Variants in CLNK observed in about 807,000 individuals in gnomAD.
The protein encoded by CLNK is cytokine-dependent hematopoietic cell linker.
CLNK carries 74 observed loss-of-function variants against 68.6 expected under a neutral mutation model. That is an observed-to-expected ratio of 1.08 (90% CI 0.89 to 1.31). CLNK has a LOEUF of 1.31. Among genes scored for constraint, CLNK ranks in the 50% most tolerant of loss-of-function variants. CLNK has a pLI of 0.00. For missense variants in CLNK, 553 were observed against 515.3 expected (o/e 1.07, Z -0.71); for synonymous variants, 198 against 172.2 (o/e 1.15, Z -1.17).
At chr4:10,705,062 G>A in the CLNK span, among the ~76,000 whole-genome samples, 1 of 152,118 alleles carries the variant, frequency 6.6e-6, no homozygotes, top group Non-Finnish European at 1.5e-5. Context: ...GGGTAGTTTT[G>A]GAAGTAGGCA....
At chr4:10,711,642 A>G in the CLNK span, among the ~76,000 whole-genome samples, 1 of 152,202 alleles carries the variant, frequency 6.6e-6, no homozygotes, top group Non-Finnish European at 1.5e-5. Flanking sequence ...TTTCCTGAAC[A>G]TTAGTGGTGG....
chr4:10,594,051 A>G (rs550842644), intron 3 of CLNK, among the ~76,000 whole-genome samples: 52 of 152,154 alleles, frequency 3.4e-4, no homozygotes, highest in Non-Finnish European at 6.6e-4. Flanking sequence ...TGTGTCTGCC[A>G]TGGTGCATGA....
rs16870163 is a variant in CLNK at position 10,579,347 on chromosome 4, T to C, written c.112+5580A>G. On this transcript the variant is annotated intron_variant, in intron 4 of 18. Coordinates refer to ENST00000226951, the MANE Select transcript of CLNK (RefSeq NM_052964.4). The stretch of plus-strand genomic sequence containing the variant: ...ATGAGAGTAAATGAGTTTTTGACTA[T>C]ATGGCTTATAATTGGGAAGAAGAAG... Among the ~76,000 whole-genome samples the C allele has an allele frequency of 7.8e-3, 1,191 of 152,182 alleles. 22 individuals are homozygous for C. The highest frequency in any genetic ancestry group is 0.065 in the East Asian group (335 of 5,174).
intron 17 of CLNK, among the ~76,000 whole-genome samples, chr4:10,504,908 C>A (rs1717229152): frequency 1.3e-5 from 2 of 152,170 alleles, no homozygotes; most frequent in Non-Finnish European, 2.9e-5. Context: ...ATTTTATTTT[C>A]TTAATGTTTC....
rs550078617 is a variant in CLNK, at chr4:10,583,527, C to G, written c.112+1400G>C. ...GTCTCAAACTCCTGACCTTGTGATC[C>G]GCCTGCTTTGGCCTCCCAAAGTGCT... On this transcript the variant is annotated intron_variant, in intron 4 of 18. Coordinates refer to ENST00000226951, the MANE Select transcript of CLNK (RefSeq NM_052964.4). Among the ~76,000 whole-genome samples the G allele has an allele frequency of 1.8e-3, 280 of 152,192 alleles. 1 individual carries two copies. Among genetic ancestry groups the G allele is most frequent in the African/African-American group, 6.5e-3 (268 of 41,518 alleles).
chr4:10,667,195 A>C (rs1258071073), intron 2 of CLNK, among the ~76,000 whole-genome samples: 2 of 152,204 alleles, frequency 1.3e-5, no homozygotes, highest in Admixed American at 6.5e-5. Context: ...TGCTCTTTCT[A>C]ATACTATCAC....
In CLNK at chr4:10,491,859, G is replaced by T. The variant is rs570702596; in HGVS notation, c.1141-1246C>A. ...ATAATGGTGAAGTTTGGGCTTTAGT[G>T]TACCCATCACCCAGATAATATACAT... On this transcript the variant is annotated intron_variant, in intron 18 of 18. Coordinates refer to ENST00000226951, the MANE Select transcript of CLNK (RefSeq NM_052964.4). Among the ~76,000 whole-genome samples the T allele has an allele frequency of 5.3e-5, 8 of 152,162 alleles. No homozygotes were observed. The East Asian group carries it at 1.5e-3, about 29-fold the overall frequency.
intron 2 of CLNK, among the ~76,000 whole-genome samples, chr4:10,617,436 C>T (rs149668983): frequency 7.2e-5 from 11 of 152,270 alleles, no homozygotes; most frequent in East Asian, 1.9e-4. Context: ...AATCCCCTTA[C>T]GAACTACCAT....
At chr4:10,520,932 G>T (rs1480942818) in intron 14 of CLNK, 101 bp from the exon 15 acceptor site, 2 of 821,922 alleles carry the variant, frequency 2.4e-6, no homozygotes, top group Non-Finnish European at 4.1e-6. Flanking sequence ...TGAAGTCACA[G>T]TTATAAAGCA....
intron 1 of CLNK, among the ~76,000 whole-genome samples, chr4:10,668,820 C>T (rs142299586): frequency 3.6e-4 from 55 of 152,236 alleles, no homozygotes; most frequent in African/African-American, 1.1e-3. Flanking sequence ...CCCCATCTCA[C>T]GCTCCCTCTG....
chr4:10,596,268 G>A (rs536732915), intron 3 of CLNK, among the ~76,000 whole-genome samples: 17 of 152,090 alleles, frequency 1.1e-4, no homozygotes, highest in East Asian at 3.9e-4. Context: ...CAGGTGATCC[G>A]CCTGCCTCAG....
At chr4:10,604,324 A>G (rs1403074918) in intron 2 of CLNK, among the ~76,000 whole-genome samples, 2 of 152,226 alleles carry the variant, frequency 1.3e-5, no homozygotes, top group African/African-American at 2.4e-5. Flanking sequence ...CTAGAACTGT[A>G]GCCAAGTGAT....
intron 4 of CLNK, among the ~76,000 whole-genome samples, chr4:10,574,432 A>G (rs1415281043): frequency 6.6e-6 from 1 of 152,156 alleles, no homozygotes; most frequent in African/African-American, 2.4e-5. Context: ...ATGTCTGATC[A>G]GCCTCCATAT....
At position 10,564,651 on chromosome 4, in the gene CLNK, A is replaced by G. The variant is rs1251607361; in HGVS notation, c.399+20T>C. On this transcript the variant is annotated intron_variant, in intron 7 of 18. Coordinates refer to ENST00000226951, the MANE Select transcript of CLNK (RefSeq NM_052964.4). ...AGAGCCCTACACATGTTTGTGTCAC[A>G]ATGTCCAGTCTTTACTCACTCTTTC... 1.3e-6 allele frequency: 2 copies of G among 1,530,502 alleles called. No individual in the cohort carries two copies. Among genetic ancestry groups the G allele is most frequent in the Admixed American group, 1.7e-5 (1 of 59,820 alleles). The allele number at this position is 1,530,502 out of a possible 1,614,324, so 94.8% of individuals were successfully genotyped here. A position where few individuals can be genotyped will look rare whatever the true frequency, so the allele number is the denominator to read the frequency against.
intron 3 of CLNK, among the ~76,000 whole-genome samples, chr4:10,588,617 T>C (rs1477244091): frequency 6.6e-6 from 1 of 152,222 alleles, no homozygotes; most frequent in Non-Finnish European, 1.5e-5. Flanking sequence ...CCCATTTACA[T>C]TCATTTTCAC....
At chr4:10,520,415 C>G (rs1718009387) in intron 15 of CLNK, among the ~76,000 whole-genome samples, 1 of 152,168 alleles carries the variant, frequency 6.6e-6, no homozygotes, top group East Asian at 1.9e-4. Context: ...AATGGGGACT[C>G]ACACACTGTT....
upstream of CLNK, among the ~76,000 whole-genome samples, chr4:10,685,727 T>C (rs901760124): frequency 8.5e-5 from 13 of 152,206 alleles, no homozygotes; most frequent in African/African-American, 3.1e-4. Flanking sequence ...GAATGCTAAT[T>C]GTGAGTCAGT....
At chr4:10,676,884 G>A (rs766500467) in intron 1 of CLNK, among the ~76,000 whole-genome samples, 7 of 150,588 alleles carry the variant, frequency 4.6e-5, no homozygotes, top group East Asian at 1.9e-4. Flanking sequence ...TACTGTTCAC[G>A]TAAAGTGAGA....
chr4:10,552,993 AAG>A (rs1232165337), intron 8 of CLNK, among the ~76,000 whole-genome samples: 11 of 152,168 alleles, frequency 7.2e-5, no homozygotes, highest in Non-Finnish European at 1.0e-4. Context: ...CTAAGTAGAA[AAG>A]AGAGAGGGCA....
Sources: allele counts gnomAD v4.1 joint callset (sites outside exome capture counted in the v4.1 genomes callset), GRCh38; gene constraint gnomAD v4.1.1; transcripts MANE v1.5; gene names NCBI Gene and HGNC (gene_info 2026-07-23, HGNC 2026-07-21).